GLRA2: variants seen among roughly 807,000 people sequenced by gnomAD.
The protein encoded by GLRA2 is glycine receptor subunit alpha-2.
GLRA2 carries 11 observed loss-of-function variants against 31.6 expected under a neutral mutation model. The ratio of observed to expected loss-of-function variants is 0.35; its 90% confidence interval spans 0.22 to 0.58. The LOEUF is 0.58. Among genes scored for constraint, GLRA2 ranks in the 20% least tolerant of loss-of-function variants. The pLI is 0.84. For synonymous variants in GLRA2, 132 were observed against 134.0 expected, an observed-to-expected ratio of 0.99 and a Z score of 0.10; for missense variants, 212 against 351.8, an observed-to-expected ratio of 0.60 and a Z score of 3.18.
chrX:14,655,021 CAT>C (rs1024990864), intron 7 of GLRA2, among the ~76,000 whole-genome samples: 2 of 111,382 alleles, frequency 1.8e-5, no homozygotes, highest in African/African-American at 3.3e-5. Context: ...CCTCCCATAA[CAT>C]GTGGGAATTA....
chrX:14,482,865 CTGTAAG>C, the GLRA2 span, among the ~76,000 whole-genome samples: 1 of 110,701 alleles, frequency 9.0e-6, no homozygotes, highest in Non-Finnish European at 1.9e-5. Flanking sequence ...CACACAGACC[CTGTAAG>C]TTAGATATTA....
In GLRA2 at chrX:14,730,783, G is replaced by A. The variant is rs947740561; in HGVS notation, c.*298G>A. 11 of 253,774 alleles carry A rather than the reference G, an allele frequency of 4.3e-5. No homozygotes were observed. Among genetic ancestry groups the A allele is most frequent in the South Asian group, 4.3e-4 (6 of 13,948 alleles). The allele number at this position is 253,774 out of a possible 1,213,427, so 20.9% of individuals were successfully genotyped here. ...TGCGCAACATTCAGACATGATATGC[G>A]CATCATTCAGACATGATATGCGGGG... is the stretch of plus-strand genomic sequence containing the variant. On this transcript the variant is annotated 3_prime_UTR_variant, in exon 9 of 9. Transcript: ENST00000218075.
intron 7 of GLRA2, among the ~76,000 whole-genome samples, chrX:14,680,118 CTT>C (rs1285951778): frequency 8.9e-6 from 1 of 112,469 alleles, no homozygotes; most frequent in East Asian, 2.8e-4. Flanking sequence ...TCAAATAAAA[CTT>C]TATTTATAAA....
chrX:14,667,831 G>A (rs919483933), intron 7 of GLRA2, among the ~76,000 whole-genome samples: 2 of 111,394 alleles, frequency 1.8e-5, no homozygotes, highest in Admixed American at 9.6e-5. Flanking sequence ...CCACAACAAA[G>A]ATAACATATA....
At chrX:14,548,110 T>G (rs1297156615) in intron 2 of GLRA2, among the ~76,000 whole-genome samples, 1 of 112,066 alleles carries the variant, frequency 8.9e-6, no homozygotes, top group Non-Finnish European at 1.9e-5. Flanking sequence ...TATCATCTCA[T>G]TTGACTCCTC....
intron 2 of GLRA2, among the ~76,000 whole-genome samples, chrX:14,552,129 T>A (rs2089574457): frequency 8.9e-6 from 1 of 112,244 alleles, no homozygotes; most frequent in African/African-American, 3.2e-5. Context: ...ACTTTTGTCC[T>A]TTAGCAATGC....
At chrX:14,641,820 T>C (rs1046916174) in intron 7 of GLRA2, among the ~76,000 whole-genome samples, 4 of 112,249 alleles carry the variant, frequency 3.6e-5, no homozygotes, top group African/African-American at 1.3e-4. Flanking sequence ...AAATGACCAC[T>C]GAAATGATTA....
chrX:14,484,854 A>G, the GLRA2 span, among the ~76,000 whole-genome samples: 6 of 111,991 alleles, frequency 5.4e-5, no homozygotes, highest in Non-Finnish European at 1.1e-4. Flanking sequence ...TTATTGGTCG[A>G]CAGCAGCAGA....
chrX:14,654,292 AT>A (rs2090919132), intron 7 of GLRA2, among the ~76,000 whole-genome samples: 1 of 111,773 alleles, frequency 8.9e-6, no homozygotes, highest in South Asian at 3.8e-4. Context: ...GATTGTTAGT[AT>A]TTTTTAGCCA....
chrX:14,583,379 C>T (rs1453937819), intron 4 of GLRA2, among the ~76,000 whole-genome samples: 1 of 112,598 alleles, frequency 8.9e-6, no homozygotes, highest in Non-Finnish European at 1.9e-5. Flanking sequence ...ATGCTCATTG[C>T]AGCACTATTC....
chrX:14,696,231 G>A (rs2091444973), intron 8 of GLRA2, among the ~76,000 whole-genome samples: 1 of 101,197 alleles, frequency 9.9e-6, no homozygotes, highest in African/African-American at 3.6e-5. Flanking sequence ...AGGGAGGGAG[G>A]GAGGGAGGGA....
At chrX:14,668,214 G>A (rs1006252860) in intron 7 of GLRA2, among the ~76,000 whole-genome samples, 1 of 112,385 alleles carries the variant, frequency 8.9e-6, no homozygotes, top group Non-Finnish European at 1.9e-5. Flanking sequence ...AAGGCAACAT[G>A]AGAAGAGCCA....
chrX:14,623,898 T>A (rs1339197035), intron 7 of GLRA2, among the ~76,000 whole-genome samples: 7 of 111,870 alleles, frequency 6.3e-5, no homozygotes, highest in African/African-American at 2.3e-4. Context: ...CTTTTTCTAT[T>A]GATTGGAAGA....
chrX:14,675,154 C>T (rs1041443447), intron 7 of GLRA2, among the ~76,000 whole-genome samples: 13 of 111,427 alleles, frequency 1.2e-4, no homozygotes, highest in African/African-American at 4.2e-4. Flanking sequence ...ACCCCTCCTT[C>T]ACCTTGACTC....
intron 4 of GLRA2, among the ~76,000 whole-genome samples, chrX:14,596,115 T>C (rs1434103968): frequency 9.0e-6 from 1 of 111,157 alleles, no homozygotes; most frequent in East Asian, 2.8e-4. Flanking sequence ...CCTAAAATTT[T>C]TGTTGTGGTT....
At chrX:14,453,923 G>T in the GLRA2 span, among the ~76,000 whole-genome samples, 1 of 111,707 alleles carries the variant, frequency 9.0e-6, no homozygotes, top group Non-Finnish European at 1.9e-5. Flanking sequence ...TATGCTGAGT[G>T]AAAGAGGCCA....
chrX:14,686,429 T>C (rs2091278920), intron 7 of GLRA2, among the ~76,000 whole-genome samples: 1 of 111,237 alleles, frequency 9.0e-6, no homozygotes, highest in Admixed American at 9.5e-5. Flanking sequence ...AAGTCTCCCA[T>C]TATTATTGTG....
chrX:14,567,808 A>T (rs1483628675), intron 2 of GLRA2, among the ~76,000 whole-genome samples: 1 of 112,422 alleles, frequency 8.9e-6, no homozygotes, highest in Non-Finnish European at 1.9e-5. Flanking sequence ...CACAAAAATC[A>T]GTTGTTTCTG....
chrX:14,589,713 C>CAT (rs1371430703), intron 4 of GLRA2, among the ~76,000 whole-genome samples: 2 of 105,694 alleles, frequency 1.9e-5, no homozygotes, highest in Non-Finnish European at 3.9e-5. Context: ...TATATATACA[C>CAT]ACATATATGT....
Sources: gnomAD v4.1 joint callset for allele counts (sites outside exome capture counted in the v4.1 genomes callset) on GRCh38, gnomAD v4.1.1 for gene constraint, MANE v1.5 for transcripts, NCBI Gene and HGNC (gene_info 2026-07-23, HGNC 2026-07-21) for gene names.